The following RPRD1B variants were observed in gnomAD, a reference collection of about 807,000 sequenced individuals.
RPRD1B encodes regulation of nuclear pre-mRNA domain containing 1B.
RPRD1B carries 11 observed loss-of-function variants against 41.5 expected under a neutral mutation model. The observed-to-expected ratio is 0.27, with a 90% confidence interval of 0.17 to 0.44. RPRD1B has a LOEUF of 0.44. RPRD1B is among the 20% of genes least tolerant of loss of function. The pLI is 1.00. For synonymous variants in RPRD1B, 158 were observed against 155.6 expected (o/e 1.02, Z -0.12); for missense variants, 248 against 389.9 (o/e 0.64, Z 3.06).
At chr20:38,041,404 G>A (rs2074064699) in intron 2 of RPRD1B, among the ~76,000 whole-genome samples, 1 of 152,138 alleles carries the variant, frequency 6.6e-6, no homozygotes, top group Admixed American at 6.5e-5. Context: ...TGCTTTCATT[G>A]CAGGATTTGA....
intron 6 of RPRD1B, among the ~76,000 whole-genome samples, chr20:38,072,640 T>C (rs2074423657): frequency 6.6e-6 from 1 of 152,224 alleles, no homozygotes; most frequent in Non-Finnish European, 1.5e-5. Context: ...TTTCAGCTCA[T>C]GAACAGGGGA....
chr20:38,053,356 T>TA (rs2074207926), intron 3 of RPRD1B, among the ~76,000 whole-genome samples: 1 of 152,216 alleles, frequency 6.6e-6, no homozygotes, highest in Non-Finnish European at 1.5e-5. Flanking sequence ...GTAGCAGTGA[T>TA]AGTCATTTCT....
chr20:38,061,672 T>G (rs76238092), intron 5 of RPRD1B, among the ~76,000 whole-genome samples: 5,068 of 152,276 alleles, frequency 0.033, 282 homozygotes, highest in African/African-American at 0.11. Context: ...ACCACCTGAA[T>G]GGATTGCCTG....
chr20:38,068,144 G>A (rs546305334), intron 6 of RPRD1B, among the ~76,000 whole-genome samples: 20 of 152,334 alleles, frequency 1.3e-4, no homozygotes, highest in Non-Finnish European at 2.2e-4. Context: ...TGGAGAAACA[G>A]ATTAGAGCTT....
At chr20:38,036,176 T>C (rs2074001632) in intron 1 of RPRD1B, among the ~76,000 whole-genome samples, 1 of 152,208 alleles carries the variant, frequency 6.6e-6, no homozygotes, top group Non-Finnish European at 1.5e-5. Flanking sequence ...TTATCCCTAA[T>C]CTTACGTGGT....
At chr20:38,040,671 A>G (rs2122693297) in intron 2 of RPRD1B, 107 bp downstream of exon 2, 1 of 1,268,350 alleles carries the variant, frequency 7.9e-7, no homozygotes, top group South Asian at 1.6e-5. Flanking sequence ...TTCCTACTTT[A>G]CAGAGAGTTG....
At chr20:38,080,642 CAGCCTTCCGGGT>C (rs1821231694) in intron 6 of RPRD1B, among the ~76,000 whole-genome samples, 1 of 152,230 alleles carries the variant, frequency 6.6e-6, no homozygotes, top group African/African-American at 2.4e-5. Context: ...TCTCCTGCCT[CAGCCTTCCGGGT>C]AGCTGGGATT....
In RPRD1B at chr20:38,033,982, A is replaced by T; in HGVS notation, c.35A>T (p.Lys12Met). 6.2e-7 allele frequency: 1 copy of T among 1,613,530 alleles called. No homozygotes were observed. The highest frequency in any genetic ancestry group is 8.5e-7 in the Non-Finnish European group (1 of 1,179,710). The change falls in exon 1 of 7, where the codon AAG (lysine) becomes ATG (methionine). Residue 12 changes from lysine to methionine, a missense_variant. By Grantham distance (95) the Lys-to-Met change is moderately conservative. This residue lies in a region of RPRD1B where 14 missense variants were observed against 19.9 expected (regional missense o/e 0.70). Coordinates refer to ENST00000373433, the MANE Select transcript of RPRD1B (RefSeq NM_021215.4). ...SSFSESALEK[K>M]LSELSNSQQS... The stretch of plus-strand genomic sequence containing the variant: ...TTCTCTGAGTCGGCGCTGGAGAAGA[A>T]GCTCTCGGAGCTGAGCAACTCTCAG...
intron 2 of RPRD1B, 132 bp downstream of exon 2, chr20:38,040,696 T>A: frequency 1.1e-6 from 1 of 926,072 alleles, no homozygotes; most frequent in Non-Finnish European, 1.6e-6. Context: ...GGCCGAATTG[T>A]GGTTTTATGT....
chr20:38,059,422 A>C lies in RPRD1B; in HGVS notation c.557A>C (p.Asp186Ala). The C allele has an allele frequency of 6.2e-7, 1 of 1,613,754 alleles. No homozygotes were observed. Among genetic ancestry groups the C allele is most frequent in the Non-Finnish European group, 8.5e-7 (1 of 1,179,832 alleles). Residue 186 changes from aspartate (D) to alanine (A), a missense_variant, in exon 5 of 7, where the codon GAT becomes GCT. Physicochemically the swap from Asp to Ala is moderately radical, Grantham distance 126. This residue lies in a region of RPRD1B where 94 missense variants were observed against 82.3 expected (regional missense o/e 1.14). Transcript: ENST00000373433. ...LTEELIKALQ[D>A]LENAASGDAT... is the part of the protein sequence containing the mutation. ...GAGGAACTAATCAAAGCTTTGCAGGATCTGGAAAATGCCGCATCAGGGGAT... is the reference window on the plus strand; with the variant it reads ...GAGGAACTAATCAAAGCTTTGCAGGCTCTGGAAAATGCCGCATCAGGGGAT...
At chr20:38,044,371 C>CTTTTTTTTTTT (rs1243551179) in intron 2 of RPRD1B, among the ~76,000 whole-genome samples, 1 of 114,408 alleles carries the variant, frequency 8.7e-6, no homozygotes, top group African/African-American at 4.1e-5. Context: ...ATCAGGTGTT[C>CTTTTTTTTTTT]ATTTTTTTTT....
Position 38,052,828 on chromosome 20 carries a change from G to A in RPRD1B, c.415+4347G>A, listed in dbSNP as rs560144438. Reference sequence around the variant, plus strand: ...GATCCTCTAGAAGATCCAGCTTTACGGTAGATGGCTGCATATTATAATGTG... The same window carrying A: ...GATCCTCTAGAAGATCCAGCTTTACAGTAGATGGCTGCATATTATAATGTG... On this transcript the variant is annotated intron_variant, in intron 3 of 6. Coordinates refer to ENST00000373433, the MANE Select transcript of RPRD1B (RefSeq NM_021215.4). Among the ~76,000 whole-genome samples, 63 of 143,378 alleles carry A rather than the reference G, an allele frequency of 4.4e-4. 2 individuals carry two copies. The South Asian group carries it at 0.013, about 29-fold the overall frequency. 94.1% of individuals were successfully genotyped at this position (143,378 alleles called of 152,430 possible). A position where few individuals can be genotyped will look rare whatever the true frequency, so the allele number is the denominator to read the frequency against.
chr20:38,062,201 A>G (rs549486592), intron 5 of RPRD1B, among the ~76,000 whole-genome samples: 73 of 152,294 alleles, frequency 4.8e-4, no homozygotes, highest in African/African-American at 1.6e-3. Context: ...AGGACCCTGC[A>G]TTATTCTAGC....
chr20:38,086,946 G>GT lies in RPRD1B; in HGVS notation c.832-2772dup, dbSNP rs962274718. Among the ~76,000 whole-genome samples the GT allele has an allele frequency of 8.0e-4, 122 of 151,836 alleles. 2 individuals are homozygous for GT. Among genetic ancestry groups the GT allele is most frequent in the African/African-American group, 2.2e-3 (91 of 41,400 alleles). ...AACAACTGTTGTTTGGTTTTTTGGG[G>GT]TTTTTTTTGTTTTTTTGTTTATTTT... On this transcript the variant is annotated intron_variant, in intron 6 of 6. Transcript: ENST00000373433.
intron 5 of RPRD1B, among the ~76,000 whole-genome samples, chr20:38,059,752 C>T (rs746405160): frequency 1.3e-5 from 2 of 152,182 alleles, no homozygotes; most frequent in African/African-American, 2.4e-5. Context: ...TGGTGTGCCA[C>T]AACCTGTGGC....
rs1050359434 is a variant in RPRD1B, at chr20:38,091,214, A to G, written c.*1339A>G. The G allele has an allele frequency of 1.0e-6, 1 of 985,734 alleles. No individual in the cohort carries two copies. Among genetic ancestry groups the G allele is most frequent in the African/African-American group, 1.7e-5 (1 of 57,238 alleles). The allele number at this position is 985,734 out of a possible 1,614,324, so 61.1% of individuals were successfully genotyped here. ...GTTATAGACCAGAGGCTGAAACCCA[A>G]ACTATATAAAAAGGAATTCAGTGGA... On this transcript the variant is annotated 3_prime_UTR_variant, in exon 7 of 7. Transcript: ENST00000373433.
chr20:38,052,821 G>C (rs545265696), intron 3 of RPRD1B, among the ~76,000 whole-genome samples: 7 of 134,672 alleles, frequency 5.2e-5, no homozygotes, highest in African/African-American at 2.0e-4. Context: ...AGAAGATCCA[G>C]CTTTACGGTA....
chr20:38,067,175 C>T (rs981599286), intron 6 of RPRD1B, among the ~76,000 whole-genome samples: 5 of 152,144 alleles, frequency 3.3e-5, no homozygotes, highest in Non-Finnish European at 7.3e-5. Context: ...TGTTTGGCTT[C>T]GTAATTAAGT....
chr20:38,056,252 A>T (rs748661958), intron 3 of RPRD1B, among the ~76,000 whole-genome samples: 1 of 152,044 alleles, frequency 6.6e-6, no homozygotes, highest in African/African-American at 2.4e-5. Context: ...TTAGCCAGGC[A>T]TGGGGGCAAA....
Sources: allele counts gnomAD v4.1 joint callset (sites outside exome capture counted in the v4.1 genomes callset), GRCh38; gene constraint gnomAD v4.1.1; regional missense constraint gnomAD v4.1.1; transcripts MANE v1.5; gene names NCBI Gene and HGNC (gene_info 2026-07-23, HGNC 2026-07-21).